VPS37A: variants seen among roughly 807,000 people sequenced by gnomAD.
VPS37A encodes vacuolar protein sorting-associated protein 37A.
VPS37A carries 30 observed loss-of-function variants against 49.8 expected under a neutral mutation model. The ratio of observed to expected loss-of-function variants is 0.60; its 90% CI spans 0.45 to 0.82. VPS37A has a LOEUF of 0.82. Among genes scored for constraint, VPS37A ranks in the 40% least tolerant of loss-of-function variants. The pLI is 0.00. For synonymous variants in VPS37A, 195 were observed against 160.6 expected, an observed-to-expected ratio of 1.21 and a Z score of -1.62; for missense variants, 593 against 464.4, an observed-to-expected ratio of 1.28 and a Z score of -2.55.
chr8:17,330,927 G>A, the VPS37A span, among the ~76,000 whole-genome samples: 1 of 152,178 alleles, frequency 6.6e-6, no homozygotes. Context: ...CAGTACCATT[G>A]TAGAGTCCCT....
At position 17,295,488 on chromosome 8, in the gene VPS37A, C is replaced by T. The variant is rs914097518; in HGVS notation, c.*502C>T. 2.6e-5 allele frequency: 4 copies of T among 152,508 alleles called. No individual in the cohort carries two copies. Among genetic ancestry groups the T allele is most frequent in the Admixed American group, 2.6e-4 (4 of 15,278 alleles). 9.4% of individuals were successfully genotyped at this position (152,508 alleles called of 1,614,324 possible). A position where few individuals can be genotyped will look rare whatever the true frequency, so the allele number is the denominator to read the frequency against. Reference sequence around the variant, plus strand: ...TTAAGATATTCATAGTGTTAGGAAACACCAAACCTGCCTATGTGCCATCTC... The same window carrying T: ...TTAAGATATTCATAGTGTTAGGAAATACCAAACCTGCCTATGTGCCATCTC... On this transcript the variant is annotated 3_prime_UTR_variant, in exon 12 of 12. Transcript: ENST00000324849.
the VPS37A span, among the ~76,000 whole-genome samples, chr8:17,329,676 G>A: frequency 6.6e-6 from 1 of 152,144 alleles, no homozygotes; most frequent in Non-Finnish European, 1.5e-5. Context: ...GATAAATGAT[G>A]AACAGTCTTC....
chr8:17,253,210 C>T (rs906371796), intron 1 of VPS37A, among the ~76,000 whole-genome samples: 1 of 152,210 alleles, frequency 6.6e-6, no homozygotes, highest in Non-Finnish European at 1.5e-5. Context: ...CCTTCCAAAC[C>T]ATTTCTGCTG....
At chr8:17,263,087 A>G (rs144268477) in intron 1 of VPS37A, among the ~76,000 whole-genome samples, 22 of 152,194 alleles carry the variant, frequency 1.4e-4, no homozygotes, top group Admixed American at 2.0e-4. Context: ...ATATTGTAAA[A>G]TAACATTTAC....
At chr8:17,319,103 A>G in the VPS37A span, among the ~76,000 whole-genome samples, 1 of 152,222 alleles carries the variant, frequency 6.6e-6, no homozygotes, top group Admixed American at 6.5e-5. Flanking sequence ...ACGTCTGAGT[A>G]ATAATCATGA....
intron 1 of VPS37A, among the ~76,000 whole-genome samples, chr8:17,260,086 C>G (rs1812832473): frequency 6.6e-6 from 1 of 152,052 alleles, no homozygotes. Flanking sequence ...TAAGTAAGGA[C>G]TTCTTCCATT....
At chr8:17,313,015 G>A in the VPS37A span, among the ~76,000 whole-genome samples, 1 of 152,206 alleles carries the variant, frequency 6.6e-6, no homozygotes, top group Admixed American at 6.5e-5. Context: ...GTATTCTACA[G>A]AAAATTCTTT....
the VPS37A span, among the ~76,000 whole-genome samples, chr8:17,313,667 T>C: frequency 6.6e-6 from 1 of 152,206 alleles, no homozygotes; most frequent in Non-Finnish European, 1.5e-5. Flanking sequence ...AATCCTAATA[T>C]TAATGAAAAT....
chr8:17,292,655 G>A lies in VPS37A; in HGVS notation c.*1-2332G>A, dbSNP rs184346760. Among the ~76,000 whole-genome samples the A allele has an allele frequency of 7.2e-5, 11 of 152,206 alleles. No homozygotes were observed. The East Asian group carries it at 7.7e-4, about 11-fold the overall frequency. ...CAGGAGCTCTTGTAAGGCAGTCCTC[G>A]TGGTGACAGAATCCCTCAGCATTTG... On this transcript the variant is annotated intron_variant, in intron 11 of 11. Coordinates refer to ENST00000324849, the MANE Select transcript of VPS37A (RefSeq NM_152415.3).
intron 1 of VPS37A, among the ~76,000 whole-genome samples, chr8:17,250,556 C>CT (rs1159282924): frequency 6.6e-6 from 1 of 152,082 alleles, no homozygotes; most frequent in Non-Finnish European, 1.5e-5. Context: ...AGGTGAATAT[C>CT]TTTTTTTGGC....
the VPS37A span, among the ~76,000 whole-genome samples, chr8:17,320,669 G>A: frequency 3.9e-5 from 6 of 152,194 alleles, no homozygotes; most frequent in Non-Finnish European, 8.8e-5. Flanking sequence ...TGCCAGCCCC[G>A]AGTTAAAACT....
chr8:17,321,074 A>G, the VPS37A span, among the ~76,000 whole-genome samples: 5 of 152,174 alleles, frequency 3.3e-5, no homozygotes, highest in Non-Finnish European at 5.9e-5. Flanking sequence ...CTCGTTGATT[A>G]TAAGTTCAGG....
chr8:17,283,722 A>G (rs571170395), intron 9 of VPS37A, among the ~76,000 whole-genome samples: 1 of 152,290 alleles, frequency 6.6e-6, no homozygotes, highest in African/African-American at 2.4e-5. Flanking sequence ...TTTTTATGCC[A>G]GTACCACAGT....
chr8:17,311,882 G>A, the VPS37A span: 7 of 495,998 alleles, frequency 1.4e-5, no homozygotes, highest in South Asian at 1.8e-4. Context: ...ATAAGCGCAT[G>A]TACTTACTAA....
At chr8:17,331,125 T>C in the VPS37A span, 2 of 1,598,338 alleles carry the variant, frequency 1.3e-6, no homozygotes, top group East Asian at 2.3e-5. Flanking sequence ...TGCATTTTAA[T>C]GCTGTGCATA....
Position 17,296,230 on chromosome 8 carries a change from T to C in VPS37A, c.*1244T>C, listed in dbSNP as rs1421368236. Reference sequence around the variant, plus strand: ...AAATTATTTTGTTAGAATTAAAACATGCTTAATATTTAGTCTGTTTGTGGA... The same window carrying C: ...AAATTATTTTGTTAGAATTAAAACACGCTTAATATTTAGTCTGTTTGTGGA... On this transcript the variant is annotated 3_prime_UTR_variant, in exon 12 of 12. Transcript: ENST00000324849. 6.6e-6 allele frequency: 1 copy of C among 152,202 alleles called. No homozygotes were observed. The highest frequency in any genetic ancestry group is 1.5e-5 in the Non-Finnish European group (1 of 68,036). The allele number at this position is 152,202 out of a possible 1,614,324, so 9.4% of individuals were successfully genotyped here. A position where few individuals can be genotyped will look rare whatever the true frequency, so the allele number is the denominator to read the frequency against.
intron 5 of VPS37A, 118 bp from the exon 6 acceptor site, chr8:17,276,279 A>G (rs981852953): frequency 4.0e-6 from 3 of 754,006 alleles, no homozygotes; most frequent in Middle Eastern, 2.7e-4. Flanking sequence ...TGTGAAGATG[A>G]AAATATGATA....
At chr8:17,265,587 G>C (rs537491316) in intron 1 of VPS37A, among the ~76,000 whole-genome samples, 1 of 152,308 alleles carries the variant, frequency 6.6e-6, no homozygotes, top group East Asian at 1.9e-4. Flanking sequence ...ATTAACCGGA[G>C]AGCACACAAT....
chr8:17,259,949 C>A (rs1265694506), intron 1 of VPS37A, among the ~76,000 whole-genome samples: 2 of 152,118 alleles, frequency 1.3e-5, no homozygotes, highest in Middle Eastern at 3.2e-3. Flanking sequence ...CACTTTCAGT[C>A]TACGTGTGTC....
Sources: gnomAD v4.1 joint callset for allele counts (sites outside exome capture counted in the v4.1 genomes callset) on GRCh38, gnomAD v4.1.1 for gene constraint, MANE v1.5 for transcripts, NCBI Gene and HGNC (gene_info 2026-07-23, HGNC 2026-07-21) for gene names.